MYRIP: variants seen among roughly 807,000 people sequenced by gnomAD.
MYRIP encodes myosin VIIA and Rab interacting protein.
MYRIP carries 49 observed loss-of-function variants against 98.0 expected under a neutral mutation model. The ratio of observed to expected loss-of-function variants is 0.50; its 90% confidence interval spans 0.40 to 0.63. The LOEUF is 0.63. MYRIP is among the 30% of genes least tolerant of loss of function. MYRIP has a pLI of 0.00. For missense variants in MYRIP, 1,004 were observed against 1,058.2 expected (o/e 0.95, Z 0.71); for synonymous variants, 404 against 409.5 (o/e 0.99, Z 0.16).
chr3:40,059,674 G>A (rs185361171), intron 3 of MYRIP, among the ~76,000 whole-genome samples: 25 of 152,160 alleles, frequency 1.6e-4, no homozygotes, highest in African/African-American at 6.0e-4. Flanking sequence ...TTTCTATTAG[G>A]TTTTCCATAG....
intron 3 of MYRIP, among the ~76,000 whole-genome samples, chr3:40,137,573 C>T (rs1400674479): frequency 1.3e-5 from 2 of 152,186 alleles, no homozygotes; most frequent in South Asian, 2.1e-4. Flanking sequence ...CTGGCACAGA[C>T]ACAAGCAAAA....
intron 2 of MYRIP, among the ~76,000 whole-genome samples, chr3:39,943,530 G>A (rs182822160): frequency 4.2e-4 from 64 of 152,150 alleles, no homozygotes; most frequent in Non-Finnish European, 7.9e-4. Context: ...TCTGCCCTGT[G>A]CTTGAGTTTT....
chr3:40,233,967 G>T lies in MYRIP; in HGVS notation c.2014G>T (p.Val672Phe), dbSNP rs558420337. The change falls in exon 12 of 17, where the codon GTC (valine) becomes TTC (phenylalanine). Residue 672 changes from valine to phenylalanine, a missense_variant. Physicochemically the swap from Val to Phe is conservative, Grantham distance 50. Coordinates refer to ENST00000302541, the MANE Select transcript of MYRIP (RefSeq NM_015460.4). The part of the protein sequence containing the change: ...GSTGPWESPQ[V>F]PPDRQKGMFP... ...TACAGGGCCCTGGGAGTCCCCACAAGTCCCTCCTGACAGACAGAAGGGGAT... is the reference window on the plus strand; with the variant it reads ...TACAGGGCCCTGGGAGTCCCCACAATTCCCTCCTGACAGACAGAAGGGGAT... 2 of 1,613,816 alleles carry T rather than the reference G, an allele frequency of 1.2e-6. No homozygotes were observed. Among genetic ancestry groups the T allele is most frequent in the South Asian group, 2.2e-5 (2 of 90,956 alleles).
At chr3:39,942,476 A>G (rs1204943396) in intron 2 of MYRIP, among the ~76,000 whole-genome samples, 2 of 152,146 alleles carry the variant, frequency 1.3e-5, no homozygotes, top group African/African-American at 4.8e-5. Context: ...TAGGTATGTT[A>G]ATCAACAAAG....
chr3:39,901,311 C>T (rs539854133), intron 2 of MYRIP, among the ~76,000 whole-genome samples: 1 of 152,166 alleles, frequency 6.6e-6, no homozygotes, highest in Non-Finnish European at 1.5e-5. Context: ...GTACAATGTT[C>T]TGTTTAAACT....
chr3:40,162,130 T>G (rs1950408781), intron 4 of MYRIP, among the ~76,000 whole-genome samples: 1 of 152,202 alleles, frequency 6.6e-6, no homozygotes, highest in Non-Finnish European at 1.5e-5. Flanking sequence ...CCGCCTTCCC[T>G]GCTGAACACT....
intron 3 of MYRIP, among the ~76,000 whole-genome samples, chr3:40,106,810 T>C (rs1949057349): frequency 6.6e-6 from 1 of 152,228 alleles, no homozygotes; most frequent in African/African-American, 2.4e-5. Flanking sequence ...TCCATGTTAT[T>C]TAATGGGCTT....
intron 2 of MYRIP, among the ~76,000 whole-genome samples, chr3:39,902,759 T>C (rs1943774294): frequency 6.6e-6 from 1 of 152,214 alleles, no homozygotes. Flanking sequence ...CTTAGCTCCA[T>C]TGCAGAGTCA....
At chr3:39,829,532 C>T (rs1941376852) in intron 1 of MYRIP, among the ~76,000 whole-genome samples, 1 of 152,032 alleles carries the variant, frequency 6.6e-6, no homozygotes. Context: ...GTGTCCTAGG[C>T]TGTGAGAGGT....
chr3:40,106,979 A>G (rs1385376706), intron 3 of MYRIP, among the ~76,000 whole-genome samples: 7 of 152,080 alleles, frequency 4.6e-5, no homozygotes, highest in Admixed American at 4.6e-4. Flanking sequence ...TTTTTCAAGC[A>G]TCTGTCTATT....
At chr3:39,850,021 G>C (rs531872449) in intron 1 of MYRIP, among the ~76,000 whole-genome samples, 1 of 152,334 alleles carries the variant, frequency 6.6e-6, no homozygotes, top group East Asian at 1.9e-4. Context: ...AGGCACAGAG[G>C]TCAAGAGTGT....
chr3:39,919,183 GTCTGAGTCC>G (rs1944243607), intron 2 of MYRIP, among the ~76,000 whole-genome samples: 1 of 152,198 alleles, frequency 6.6e-6, no homozygotes, highest in Non-Finnish European at 1.5e-5. Flanking sequence ...TCCCAGGCTG[GTCTGAGTCC>G]TGGTTTGAGG....
At chr3:40,175,214 T>C (rs1240505563) in intron 8 of MYRIP, among the ~76,000 whole-genome samples, 2 of 152,302 alleles carry the variant, frequency 1.3e-5, no homozygotes, top group African/African-American at 4.8e-5. Context: ...TAAGAATGCA[T>C]TGAGTCTTGA....
intron 2 of MYRIP, among the ~76,000 whole-genome samples, chr3:39,949,438 C>T (rs1343904062): frequency 1.3e-5 from 2 of 152,024 alleles, no homozygotes; most frequent in African/African-American, 4.8e-5. Context: ...TCAATTTTTT[C>T]ATCTGTATCA....
intron 2 of MYRIP, among the ~76,000 whole-genome samples, chr3:39,919,012 A>G (rs1457160257): frequency 6.6e-6 from 1 of 152,244 alleles, no homozygotes; most frequent in Non-Finnish European, 1.5e-5. Context: ...CTCTCTACAG[A>G]TGCAAATCTC....
At chr3:40,113,074 G>A (rs1048118359) in intron 3 of MYRIP, among the ~76,000 whole-genome samples, 10 of 152,160 alleles carry the variant, frequency 6.6e-5, no homozygotes, top group Non-Finnish European at 1.5e-4. Context: ...AGCAATGCAG[G>A]GAAGCGTCAT....
At chr3:40,084,884 T>C (rs1948587837) in intron 3 of MYRIP, among the ~76,000 whole-genome samples, 1 of 107,602 alleles carries the variant, frequency 9.3e-6, no homozygotes, top group Non-Finnish European at 1.9e-5. Context: ...ATGTGTTACA[T>C]GTCGATAGAT....
chr3:40,228,670 G>A (rs1290151655), intron 11 of MYRIP, among the ~76,000 whole-genome samples: 2 of 152,190 alleles, frequency 1.3e-5, no homozygotes, highest in East Asian at 1.9e-4. Flanking sequence ...CCCCTGAGGT[G>A]GAGACAGGAA....
chr3:40,248,350 T>A (rs1953268297), intron 13 of MYRIP: 1 of 152,224 alleles, frequency 6.6e-6, no homozygotes, highest in Non-Finnish European at 1.5e-5. Context: ...GAAAAGCTGT[T>A]CTTCTGAGTA....
Sources: allele counts gnomAD v4.1 joint callset (sites outside exome capture counted in the v4.1 genomes callset), GRCh38; gene constraint gnomAD v4.1.1; transcripts MANE v1.5; gene names NCBI Gene and HGNC (gene_info 2026-07-23, HGNC 2026-07-21).